Variants in PDCD10 observed in about 807,000 individuals in gnomAD.
PDCD10 encodes the protein programmed cell death protein 10.
A neutral mutation model predicts 29.2 loss-of-function variants in PDCD10; 4 were observed. The ratio of observed to expected loss-of-function variants is 0.14; its 90% CI spans 0.07 to 0.31. PDCD10 has a LOEUF of 0.31. Among genes scored for constraint, PDCD10 ranks in the 10% least tolerant of loss-of-function variants. The pLI is 1.00. For missense variants in PDCD10, 183 were observed against 257.9 expected (o/e 0.71, Z 1.99); for synonymous variants, 70 against 82.2 (o/e 0.85, Z 0.80).
chr3:167,734,082 C>A (rs1261553499), intron 2 of PDCD10, 132 bp downstream of exon 2: 1 of 152,208 alleles, frequency 6.6e-6, no homozygotes, highest in Non-Finnish European at 1.5e-5. Context: ...TAAAGCTGGA[C>A]TCGAACCGAA....
intron 4 of PDCD10, among the ~76,000 whole-genome samples, chr3:167,697,437 T>A (rs1260303433): frequency 6.6e-6 from 1 of 152,216 alleles, no homozygotes; most frequent in African/African-American, 2.4e-5. Context: ...TATGTTTTAG[T>A]AATCTATCAA....
At chr3:167,713,922 G>A (rs924007411) in intron 3 of PDCD10, among the ~76,000 whole-genome samples, 2 of 151,748 alleles carry the variant, frequency 1.3e-5, no homozygotes, top group African/African-American at 4.8e-5. Context: ...ACATCACCCA[G>A]TAAAGAAAAG....
At chr3:167,698,636 C>A (rs75759720) in intron 4 of PDCD10, among the ~76,000 whole-genome samples, 340 of 152,164 alleles carry the variant, frequency 2.2e-3, no homozygotes, top group Admixed American at 4.3e-3. Context: ...AGCATTAATG[C>A]GGTGAACTGC....
intron 6 of PDCD10, among the ~76,000 whole-genome samples, chr3:167,691,089 A>G (rs1472403298): frequency 6.6e-6 from 1 of 152,226 alleles, no homozygotes; most frequent in Non-Finnish European, 1.5e-5. Flanking sequence ...TAGATATAAG[A>G]AAGTAAAATA....
intron 2 of PDCD10, among the ~76,000 whole-genome samples, chr3:167,730,269 T>C (rs1724665721): frequency 6.6e-6 from 1 of 152,162 alleles, no homozygotes; most frequent in Non-Finnish European, 1.5e-5. Context: ...TACTATAATA[T>C]TTCAAATGCA....
chr3:167,697,191 T>A, intron 4 of PDCD10, 65 bp from the exon 5 acceptor site: 1 of 897,564 alleles, frequency 1.1e-6, no homozygotes, highest in Non-Finnish European at 1.9e-6. Context: ...AGCCAAAGTT[T>A]AATTGTTTAG....
chr3:167,712,792 A>C (rs1452110751), intron 3 of PDCD10, among the ~76,000 whole-genome samples: 1 of 152,092 alleles, frequency 6.6e-6, no homozygotes, highest in African/African-American at 2.4e-5. Context: ...GAAACCAAAA[A>C]AAGAGTAGGA....
chr3:167,716,386 C>T (rs373521760), intron 3 of PDCD10, among the ~76,000 whole-genome samples: 120 of 151,908 alleles, frequency 7.9e-4, no homozygotes, highest in Middle Eastern at 3.4e-3. Context: ...CTAAATTATA[C>T]ATTTTAAAAT....
intron 3 of PDCD10, among the ~76,000 whole-genome samples, chr3:167,711,626 T>C (rs138142151): frequency 6.6e-6 from 1 of 152,176 alleles, no homozygotes; most frequent in African/African-American, 2.4e-5. Flanking sequence ...ACAGAGAACT[T>C]CCCAAACCTA....
chr3:167,725,765 A>ATATT (rs1724071866), intron 2 of PDCD10, among the ~76,000 whole-genome samples: 2 of 5,282 alleles, frequency 3.8e-4, no homozygotes, highest in Non-Finnish European at 7.4e-4. Context: ...TGTATCGTTT[A>ATATT]TATATATATA....
intron 3 of PDCD10, among the ~76,000 whole-genome samples, chr3:167,705,198 T>C (rs1408111778): frequency 1.3e-5 from 2 of 152,118 alleles, no homozygotes; most frequent in African/African-American, 4.8e-5. Context: ...AATTCAGTTT[T>C]CAGTGAACCA....
intron 6 of PDCD10, among the ~76,000 whole-genome samples, chr3:167,693,310 G>A (rs1366703943): frequency 6.6e-6 from 1 of 152,182 alleles, no homozygotes; most frequent in Non-Finnish European, 1.5e-5. Context: ...CTGAACATAT[G>A]TACTGCAAAA....
rs1306359374 is a variant in PDCD10, at chr3:167,683,830, G to T, written c.*478C>A. The T allele has an allele frequency of 1.4e-5, 2 of 140,134 alleles. No individual in the cohort carries two copies. The highest frequency in any genetic ancestry group is 1.5e-5 in the Non-Finnish European group (1 of 65,780). The allele number at this position is 140,134 out of a possible 1,614,324, so 8.7% of individuals were successfully genotyped here. A position where few individuals can be genotyped will look rare whatever the true frequency, so the allele number is the denominator to read the frequency against. On this transcript the variant is annotated 3_prime_UTR_variant, in exon 9 of 9. Coordinates refer to ENST00000392750, the MANE Select transcript of PDCD10 (RefSeq NM_007217.4). ...TTAGACATTACACCAAGTTGTCTTG[G>T]TCTTCTGTTCATATATATATATATA...
intron 6 of PDCD10, 80 bp downstream of exon 6, chr3:167,695,516 A>T: frequency 1.6e-6 from 2 of 1,289,434 alleles, no homozygotes; most frequent in Non-Finnish European, 2.3e-6. Context: ...AGTTAGTCAT[A>T]CCAAAATTAA....
At position 167,685,323 on chromosome 3, in the gene PDCD10, T is replaced by C. The variant is rs545834625; in HGVS notation, c.558-934A>G. The stretch of plus-strand genomic sequence containing the variant: ...AGCTCGGGAGGCTGAGGCAGGAGAA[T>C]TGCTTGAACCCAGGAGCTGGAGGTC... On this transcript the variant is annotated intron_variant, in intron 8 of 8. Coordinates refer to ENST00000392750, the MANE Select transcript of PDCD10 (RefSeq NM_007217.4). 2.7e-5 allele frequency among the ~76,000 whole-genome samples: 4 copies of C among 147,746 alleles called. No homozygotes were observed. The East Asian group carries it at 6.0e-4, about 22-fold the overall frequency.
chr3:167,694,765 A>G (rs1720623548), intron 6 of PDCD10: 1 of 152,590 alleles, frequency 6.6e-6, no homozygotes. Flanking sequence ...GATGAATGTT[A>G]CTATTTATTC....
intron 6 of PDCD10, among the ~76,000 whole-genome samples, chr3:167,694,143 A>G (rs1221169367): frequency 2.6e-5 from 4 of 152,160 alleles, no homozygotes; most frequent in African/African-American, 4.8e-5. Flanking sequence ...AGCAAATTAA[A>G]TTATTTCACC....
chr3:167,720,512 C>T (rs557038278), intron 2 of PDCD10, among the ~76,000 whole-genome samples: 18 of 152,148 alleles, frequency 1.2e-4, no homozygotes, highest in South Asian at 4.1e-4. Flanking sequence ...TGACTTAAGA[C>T]GCTGCTTAAC....
rs764312011 is a variant in PDCD10 at position 167,734,671 on chromosome 3, G to A, written c.-263C>T. On this transcript the variant is annotated 5_prime_UTR_variant, in exon 1 of 9. Transcript: ENST00000392750. ...GGGTAACCTCGCTTACGCCCGTAGG[G>A]CCCCGCTCTCAGCCCCGTCCGCTCC... The A allele has an allele frequency of 9.1e-5, 14 of 153,764 alleles. No individual in the cohort carries two copies. Among genetic ancestry groups the A allele is most frequent in the Admixed American group, 3.3e-4 (5 of 15,312 alleles). The allele number at this position is 153,764 out of a possible 1,614,324, so 9.5% of individuals were successfully genotyped here.
Sources: allele counts gnomAD v4.1 joint callset (sites outside exome capture counted in the v4.1 genomes callset), GRCh38; gene constraint gnomAD v4.1.1; transcripts MANE v1.5; gene names NCBI Gene and HGNC (gene_info 2026-07-23, HGNC 2026-07-21).